FBXO47: variants seen among roughly 807,000 people sequenced by gnomAD.
FBXO47 encodes the protein F-box protein 47.
In FBXO47, 34 loss-of-function variants were observed where a neutral mutation model predicts 53.9. The ratio of observed to expected loss-of-function variants is 0.63; its 90% CI spans 0.48 to 0.84. FBXO47 has a LOEUF of 0.84. Ranked by LOEUF, FBXO47 falls within the 40% of genes least tolerant of loss-of-function variation. The pLI, the probability that FBXO47 is intolerant of heterozygous loss-of-function variation, is 0.00. For missense variants in FBXO47, 485 were observed against 541.3 expected (o/e 0.90, Z 1.03); for synonymous variants, 165 against 181.6 (o/e 0.91, Z 0.73).
intron 9 of FBXO47, among the ~76,000 whole-genome samples, chr17:38,939,992 T>C (rs1173012638): frequency 1.3e-5 from 2 of 152,150 alleles, no homozygotes; most frequent in East Asian, 1.9e-4. Context: ...ACATCCTTAA[T>C]TGCCAATCTA....
rs1555559725 is a variant in FBXO47, at chr17:38,939,323, A to AATATATATATATATATATATAT, written c.1084-613_1084-592dup. Among the ~76,000 whole-genome samples the AATATATATATATATATATATAT allele has an allele frequency of 1.0e-4, 5 of 50,170 alleles. No homozygotes were observed. The East Asian group carries it at 2.2e-3, about 22-fold the overall frequency. 32.9% of individuals were successfully genotyped at this position (50,170 alleles called of 152,430 possible). A position where few individuals can be genotyped will look rare whatever the true frequency, so the allele number is the denominator to read the frequency against. ...AAAAAAAAAAAAAAAAAAAAAAAAA[A>AATATATATATATATATATATAT]ATATATATATATATATATATATGTA... On this transcript the variant is annotated intron_variant, in intron 9 of 10. Transcript: ENST00000378079.
chr17:38,961,634 G>A (rs1905818325), intron 3 of FBXO47, among the ~76,000 whole-genome samples: 1 of 152,156 alleles, frequency 6.6e-6, no homozygotes, highest in African/African-American at 2.4e-5. Flanking sequence ...TAGACATTAA[G>A]CATCGGTGAC....
intron 9 of FBXO47, among the ~76,000 whole-genome samples, chr17:38,939,330 A>G (rs1479632473): frequency 2.2e-5 from 3 of 133,906 alleles, no homozygotes; most frequent in African/African-American, 8.4e-5. Context: ...AAAAATATAT[A>G]TATATATATA....
rs181217601 is a variant in FBXO47, at chr17:38,953,549, T to C, written c.507+1307A>G. ...CTGAGGCAGGAGAATTGCTTGAACC[T>C]GGGAGGTGGAGGCTGCAGTGAGCCG... On this transcript the variant is annotated intron_variant, in intron 5 of 10. Transcript: ENST00000378079. Among the ~76,000 whole-genome samples, 1,251 of 151,808 alleles carry C rather than the reference T, an allele frequency of 8.2e-3. 18 individuals carry two copies. The highest frequency in any genetic ancestry group is 0.024 in the South Asian group (117 of 4,800).
At chr17:38,942,945 T>G in intron 8 of FBXO47, 25 bp from the exon 9 acceptor site, 1 of 1,583,470 alleles carries the variant, frequency 6.3e-7, no homozygotes, top group Non-Finnish European at 8.6e-7. Flanking sequence ...AGAACAATTA[T>G]TTAATGAGAA....
chr17:38,944,658 C>T (rs185486147), intron 7 of FBXO47, among the ~76,000 whole-genome samples: 3 of 146,694 alleles, frequency 2.0e-5, no homozygotes, highest in African/African-American at 7.6e-5. Context: ...GCCGAGATTG[C>T]GCCACTGCAC....
chr17:38,959,579 CAAAAAA>C lies in FBXO47; in HGVS notation c.352+2292_352+2297del, dbSNP rs749435702. On this transcript the variant is annotated intron_variant, in intron 3 of 10. Transcript: ENST00000378079. ...TGGGCAACAGAGTGAGACTCTGCCTCAAAAAAAAAAAAAAAAAAAAAAAAGAAAATT... is the reference window on the plus strand; with the variant it reads ...TGGGCAACAGAGTGAGACTCTGCCTCAAAAAAAAAAAAAAAAAAGAAAATT... Among the ~76,000 whole-genome samples, 43 of 27,856 alleles carry C rather than the reference CAAAAAA, an allele frequency of 1.5e-3. 1 individual carries two copies. Among genetic ancestry groups the C allele is most frequent in the African/African-American group, 4.6e-3 (41 of 8,956 alleles). The allele number at this position is 27,856 out of a possible 152,430, so 18.3% of individuals were successfully genotyped here.
intron 10 of FBXO47, 67 bp downstream of exon 10, chr17:38,938,506 T>G (rs543113366): frequency 8.9e-7 from 1 of 1,128,972 alleles, no homozygotes; most frequent in East Asian, 2.5e-5. Context: ...GAAAAATATC[T>G]CTGTTTTAGG....
intron 5 of FBXO47, 104 bp downstream of exon 5, chr17:38,954,751 TA>T (rs1905466035): frequency 3.3e-6 from 2 of 602,098 alleles, no homozygotes. Context: ...TTGCTCTTTT[TA>T]AGATTATTAT....
chr17:38,951,881 T>C (rs886576977), intron 5 of FBXO47, among the ~76,000 whole-genome samples, 192 bp from the exon 6 acceptor site: 7 of 152,036 alleles, frequency 4.6e-5, no homozygotes, highest in Admixed American at 2.0e-4. Context: ...AAGTACAAAA[T>C]TAGCCAGGTG....
intron 9 of FBXO47, among the ~76,000 whole-genome samples, chr17:38,938,967 A>G: frequency 6.6e-6 from 1 of 152,252 alleles, no homozygotes; most frequent in East Asian, 1.9e-4. Flanking sequence ...ATTTAAGATT[A>G]TCATAGAAGA....
intron 1 of FBXO47, among the ~76,000 whole-genome samples, chr17:38,963,405 G>A (rs1905920554): frequency 6.6e-6 from 1 of 152,148 alleles, no homozygotes; most frequent in South Asian, 2.1e-4. Flanking sequence ...TCGAACTCCT[G>A]ACCTCAGGTG....
In FBXO47 at chr17:38,954,892, C is replaced by A; in HGVS notation, c.471G>T (p.Gln157His). 1 of 1,611,312 alleles carries A rather than the reference C, an allele frequency of 6.2e-7. No homozygotes were observed. Among genetic ancestry groups the A allele is most frequent in the South Asian group, 1.1e-5 (1 of 90,404 alleles). The change falls in exon 5 of 11, where the codon CAG becomes CAT. Residue 157 changes from glutamine (Q) to histidine (H), a missense_variant. By Grantham distance (24) the Gln-to-His change is conservative. Transcript: ENST00000378079. ...TGCCATAACATGTTAATCCTAAACA[C>A]TGCATAGGAGCTGCACAGCCATTGA... ...FKFNGCAAPM[Q>H]CLGLTCYGMF...
intron 1 of FBXO47, among the ~76,000 whole-genome samples, chr17:38,966,733 C>A (rs1906150400): frequency 2.0e-5 from 3 of 152,146 alleles, no homozygotes; most frequent in Non-Finnish European, 2.9e-5. Context: ...AAACTCAAGT[C>A]TCCACTTATA....
intron 2 of FBXO47, 39 bp downstream of exon 2, chr17:38,962,806 G>T: frequency 7.0e-7 from 1 of 1,437,224 alleles, no homozygotes; most frequent in Non-Finnish European, 9.6e-7. Flanking sequence ...AAATACTCTA[G>T]TGTCTTGTGT....
intron 7 of FBXO47, among the ~76,000 whole-genome samples, chr17:38,944,700 CAAAAAAA>C (rs869294898): frequency 1.1e-5 from 1 of 90,978 alleles, no homozygotes; most frequent in South Asian, 3.6e-4. Flanking sequence ...GACTCCGTCT[CAAAAAAA>C]AAAAAAAAAA....
At chr17:38,954,811 A>G (rs1342193117) in intron 5 of FBXO47, 45 bp downstream of exon 5, 1 of 1,101,240 alleles carries the variant, frequency 9.1e-7, no homozygotes, top group Non-Finnish European at 1.3e-6. Context: ...ATTTGTTATC[A>G]GTTCCAAAGG....
chr17:38,957,956 C>A (rs1175740614), intron 3 of FBXO47, among the ~76,000 whole-genome samples: 2 of 152,092 alleles, frequency 1.3e-5, no homozygotes, highest in Non-Finnish European at 2.9e-5. Flanking sequence ...GCCTCAGCCT[C>A]CCGAGTAGCT....
chr17:38,938,442 T>C (rs1904349893), intron 10 of FBXO47, 131 bp downstream of exon 10: 1 of 647,750 alleles, frequency 1.5e-6, no homozygotes, highest in Non-Finnish European at 2.5e-6. Context: ...TTTTATTTTT[T>C]AAAGTCAACA....
Sources: allele counts gnomAD v4.1 joint callset (sites outside exome capture counted in the v4.1 genomes callset), GRCh38; gene constraint gnomAD v4.1.1; transcripts MANE v1.5; gene names NCBI Gene and HGNC (gene_info 2026-07-23, HGNC 2026-07-21).